Variants in CUL2 observed in about 807,000 individuals in gnomAD.
CUL2 encodes cullin 2.
A neutral mutation model predicts 110.2 loss-of-function variants in CUL2; 22 were observed. The ratio of observed to expected loss-of-function variants is 0.20; its 90% CI spans 0.14 to 0.28. CUL2 has a LOEUF of 0.28. Among genes scored for constraint, CUL2 ranks in the 10% least tolerant of loss-of-function variants. CUL2 has a pLI of 1.00. For synonymous variants in CUL2, 279 were observed against 293.2 expected, an observed-to-expected ratio of 0.95 and a Z score of 0.49; for missense variants, 631 against 905.5, an observed-to-expected ratio of 0.70 and a Z score of 3.89.
intron 8 of CUL2, among the ~76,000 whole-genome samples, chr10:35,043,742 G>C (rs1420877966): frequency 6.6e-6 from 1 of 152,078 alleles, no homozygotes; most frequent in Non-Finnish European, 1.5e-5. Context: ...TTTAACATAT[G>C]ATAACCAATA....
At chr10:35,113,323 CTG>C (rs1041805027) in intron 1 of CUL2, among the ~76,000 whole-genome samples, 77 of 150,424 alleles carry the variant, frequency 5.1e-4, no homozygotes, top group Non-Finnish European at 3.3e-4. Flanking sequence ...TGGTGAAATC[CTG>C]TCTCTACTAA....
rs2087428325 is a variant in CUL2, at chr10:35,104,477, G to A, written c.-50-3417C>T. 2.0e-5 allele frequency among the ~76,000 whole-genome samples: 3 copies of A among 151,964 alleles called. No individual in the cohort carries two copies. In the South Asian group the frequency reaches 6.2e-4, roughly 31 times the overall value. ...TTAAGGTTAACCCCTTGACTTCCTG[G>A]TCTCCTTCCCTTTTCTCTCCTCCCC... On this transcript the variant is annotated intron_variant, in intron 1 of 5. Transcript: ENST00000685421.
chr10:35,017,741 GAGAT>G lies in CUL2; in HGVS notation c.1685-1351_1685-1348del, dbSNP rs2134642285. Among the ~76,000 whole-genome samples, 2 of 151,566 alleles carry G rather than the reference GAGAT, an allele frequency of 1.3e-5. 1 individual carries two copies. Among genetic ancestry groups the G allele is most frequent in the South Asian group, 4.2e-4 (2 of 4,772 alleles). On this transcript the variant is annotated intron_variant, in intron 17 of 20. Coordinates refer to ENST00000374749, the MANE Select transcript of CUL2 (RefSeq NM_003591.4). ...TGCTAAATGACCCTGGGAGCTCTAAGAGATAGAGCAAGTATTATGTATACTACAG... is the reference window on the plus strand; with the variant it reads ...TGCTAAATGACCCTGGGAGCTCTAAGAGAGCAAGTATTATGTATACTACAG...
At chr10:35,077,952 G>C (rs2086861510) in intron 1 of CUL2, among the ~76,000 whole-genome samples, 2 of 152,026 alleles carry the variant, frequency 1.3e-5, no homozygotes. Flanking sequence ...ATGAATAAAA[G>C]GGACATGGGG....
intron 1 of CUL2, among the ~76,000 whole-genome samples, chr10:35,113,664 C>A (rs2087552590): frequency 6.6e-6 from 1 of 151,200 alleles, no homozygotes; most frequent in African/African-American, 2.4e-5. Context: ...TCAATAGGAA[C>A]AAACTCAGAA....
intron 17 of CUL2, among the ~76,000 whole-genome samples, chr10:35,019,020 T>A (rs1256031103): frequency 1.3e-5 from 2 of 152,142 alleles, no homozygotes; most frequent in Non-Finnish European, 2.9e-5. Flanking sequence ...GTGCAAAAAA[T>A]TATCATTTGG....
chr10:35,060,798 A>AT (rs966300758), intron 4 of CUL2, 76 bp downstream of exon 4: 1 of 1,147,950 alleles, frequency 8.7e-7, no homozygotes, highest in African/African-American at 1.6e-5. Flanking sequence ...GAAATAGGCA[A>AT]TAAAAAAATT....
At position 35,039,095 on chromosome 10, in the gene CUL2, T is replaced by C; in HGVS notation, c.715-13A>G. ...ATCTACCTAGAACCTATAAAAATAT[T>C]TTCTTACAGTCATGAACACAAAGTT... On this transcript the variant is annotated splice_polypyrimidine_tract_variant and intron_variant, in intron 8 of 20. Transcript: ENST00000374749. 1 of 1,517,342 alleles carries C rather than the reference T, an allele frequency of 6.6e-7. No homozygotes were observed. Among genetic ancestry groups the C allele is most frequent in the Non-Finnish European group, 8.9e-7 (1 of 1,128,754 alleles). 94.0% of individuals were successfully genotyped at this position (1,517,342 alleles called of 1,614,324 possible). A position where few individuals can be genotyped will look rare whatever the true frequency, so the allele number is the denominator to read the frequency against.
Position 35,053,488 on chromosome 10 carries a change from C to A in CUL2, c.423+946G>T, listed in dbSNP as rs572691614. On this transcript the variant is annotated intron_variant, in intron 5 of 20. Transcript: ENST00000374749. ...ATATATAATACATTCTTCTTCCATGCTTTTTATTGCTGAATGTTGGATGCT... is the reference window on the plus strand; with the variant it reads ...ATATATAATACATTCTTCTTCCATGATTTTTATTGCTGAATGTTGGATGCT... Among the ~76,000 whole-genome samples, 6 of 152,272 alleles carry A rather than the reference C, an allele frequency of 3.9e-5. No homozygotes were observed. The East Asian group carries it at 9.6e-4, about 24-fold the overall frequency.
chr10:35,046,066 C>T (rs1286372002), intron 6 of CUL2, among the ~76,000 whole-genome samples: 1 of 152,194 alleles, frequency 6.6e-6, no homozygotes, highest in East Asian at 1.9e-4. Context: ...GCCTCTGAAC[C>T]CCTCTAGTCC....
chr10:35,069,594 CCAAA>C (rs2086629762), intron 2 of CUL2, among the ~76,000 whole-genome samples: 2 of 151,244 alleles, frequency 1.3e-5, no homozygotes, highest in Non-Finnish European at 2.9e-5. Context: ...ATTAGATGGA[CCAAA>C]CAAATAACAT....
At chr10:35,043,846 T>C (rs1401015959) in intron 8 of CUL2, among the ~76,000 whole-genome samples, 1 of 152,008 alleles carries the variant, frequency 6.6e-6, no homozygotes, top group Non-Finnish European at 1.5e-5. Context: ...GCAGGAGGAC[T>C]GCTCAAGTTG....
intron 1 of CUL2, among the ~76,000 whole-genome samples, chr10:35,087,378 G>A (rs2087090270): frequency 6.6e-6 from 1 of 152,096 alleles, no homozygotes; most frequent in Admixed American, 6.5e-5. Flanking sequence ...CTCTTCACTA[G>A]AACTTAAGTT....
intron 1 of CUL2, chr10:35,074,414 T>G: frequency 1.6e-6 from 1 of 611,704 alleles, no homozygotes; most frequent in South Asian, 1.9e-5. Flanking sequence ...CCTTACTATT[T>G]TCTCTACCTA....
chr10:35,091,207 G>A (rs1287789313), upstream of CUL2, among the ~76,000 whole-genome samples: 3 of 152,116 alleles, frequency 2.0e-5, no homozygotes, highest in African/African-American at 4.8e-5. Context: ...CAAAAGCCCG[G>A]CCTTAGTGCT....
chr10:35,037,231 T>C (rs1274401884), intron 9 of CUL2, among the ~76,000 whole-genome samples: 1 of 152,240 alleles, frequency 6.6e-6, no homozygotes, highest in Admixed American at 6.5e-5. Flanking sequence ...AATTTCATTT[T>C]CTTCTGAAAT....
chr10:35,086,753 A>C, intron 1 of CUL2, among the ~76,000 whole-genome samples: 1 of 152,130 alleles, frequency 6.6e-6, no homozygotes, highest in East Asian at 1.9e-4. Flanking sequence ...TGAACTTAAC[A>C]AGGGCAGGGA....
At chr10:35,106,627 G>A (rs1019865138) in intron 1 of CUL2, among the ~76,000 whole-genome samples, 18 of 151,628 alleles carry the variant, frequency 1.2e-4, no homozygotes, top group African/African-American at 3.4e-4. Context: ...CCACCACACC[G>A]GGCCAAATGT....
At chr10:35,043,632 G>A (rs1364516046) in intron 8 of CUL2, among the ~76,000 whole-genome samples, 1 of 152,148 alleles carries the variant, frequency 6.6e-6, no homozygotes, top group South Asian at 2.1e-4. Flanking sequence ...CAACACTGCA[G>A]ATTTAAAAAC....
Sources: gnomAD v4.1 joint callset for allele counts (sites outside exome capture counted in the v4.1 genomes callset) on GRCh38, gnomAD v4.1.1 for gene constraint, MANE v1.5 for transcripts, NCBI Gene and HGNC (gene_info 2026-07-23, HGNC 2026-07-21) for gene names.